Variants in HSD17B13 observed in about 807,000 individuals in gnomAD.
HSD17B13 encodes 17-beta-hydroxysteroid dehydrogenase 13.
HSD17B13 carries 26 observed loss-of-function variants against 31.1 expected under a neutral mutation model. The ratio of observed to expected loss-of-function variants is 0.84; its 90% CI spans 0.61 to 1.16. The LOEUF is 1.16. HSD17B13 is among the 50% of genes most tolerant of loss of function. The pLI, the probability that HSD17B13 is intolerant of heterozygous loss-of-function variation, is 0.00. For missense variants in HSD17B13, 374 were observed against 366.5 expected, an observed-to-expected ratio of 1.02 and a Z score of -0.17; for synonymous variants, 141 against 133.7, an observed-to-expected ratio of 1.05 and a Z score of -0.38.
chr4:87,318,355 C>G lies in HSD17B13; in HGVS notation c.292G>C (p.Glu98Gln). Residue 98 changes from glutamate to glutamine, a missense_variant, in exon 2 of 7, where the codon GAA (glutamate) becomes CAA (glutamine). Coordinates refer to ENST00000328546, the MANE Select transcript of HSD17B13 (RefSeq NM_178135.5). The stretch of plus-strand genomic sequence containing the variant: ...TGATTTAGAGAGCGATAGATCTCTT[C>G]TCTGTTGCTGCAGTCTACCACATAC... ...HAYVVDCSNR[E>Q]EIYRSLNQVK... 6.2e-7 allele frequency: 1 copy of G among 1,613,958 alleles called. No individual in the cohort carries two copies. The highest frequency in any genetic ancestry group is 8.5e-7 in the Non-Finnish European group (1 of 1,179,810).
In HSD17B13 at chr4:87,305,285, G is replaced by A. The variant is rs114287473; in HGVS notation, c.836C>T (p.Ala279Val). The A allele has an allele frequency of 1.6e-3, 2,564 of 1,603,798 alleles. 42 individuals are homozygous for A. In the African/African-American group the frequency reaches 0.03, roughly 19 times the overall value. ...AATATTCTGCATACGATTTAAAATC[G>A]CTGAGGCGCGTTCAGGAAGAAACCT... ...LQKFLPERASAILNRMQNIQF... is the reference protein window; with the variant it reads ...LQKFLPERASVILNRMQNIQF... Residue 279 changes from alanine (A) to valine (V), a missense_variant, in exon 7 of 7, where the codon GCG becomes GTG. Physicochemically the swap from Ala to Val is moderately conservative, Grantham distance 64. Transcript: ENST00000328546.
chr4:87,314,009 T>A, intron 4 of HSD17B13, 49 bp from the exon 5 acceptor site: 1 of 1,392,312 alleles, frequency 7.2e-7, no homozygotes, highest in Non-Finnish European at 9.5e-7. Flanking sequence ...GTGAAACCAA[T>A]CCTCAGCTTT....
At chr4:87,315,169 A>T (rs868269036) in intron 4 of HSD17B13, among the ~76,000 whole-genome samples, 1 of 152,204 alleles carries the variant, frequency 6.6e-6, no homozygotes, top group Non-Finnish European at 1.5e-5. Flanking sequence ...ACGACTCTGT[A>T]ACTTTAATTC....
intron 6 of HSD17B13, among the ~76,000 whole-genome samples, chr4:87,309,917 T>C (rs1198042490): frequency 6.6e-5 from 10 of 152,080 alleles, no homozygotes; most frequent in Admixed American, 6.6e-4. Flanking sequence ...CCCAGCACTT[T>C]GGGAGGCCGA....
Position 87,310,225 on chromosome 4 carries a change from GTTCTGTGCTGTACTTAC to G in HSD17B13, c.812+1_812+17del, listed in dbSNP as rs747566059. 1.0e-5 allele frequency: 16 copies of G among 1,532,624 alleles called. No homozygotes were observed. The Admixed American group carries it at 1.2e-4, about 12-fold the overall frequency. 94.9% of individuals were successfully genotyped at this position (1,532,624 alleles called of 1,614,324 possible). ...TCTATTGGTGTTTTAGTATTTGGGT[GTTCTGTGCTGTACTTAC>G]TTCTGTAGTCTCAGAAAGATATTGA... On this transcript the variant is annotated splice_donor_variant and splice_donor_5th_base_variant and intron_variant, in intron 6 of 6. Coordinates refer to ENST00000328546, the MANE Select transcript of HSD17B13 (RefSeq NM_178135.5). LOFTEE classifies it high-confidence loss of function.
intron 1 of HSD17B13, among the ~76,000 whole-genome samples, chr4:87,318,872 G>A (rs1035545704): frequency 1.3e-5 from 2 of 150,034 alleles, no homozygotes; most frequent in African/African-American, 4.9e-5. Flanking sequence ...ATGAAGATTA[G>A]TTAACCTTTT....
At chr4:87,321,146 C>T (rs1341300023) in intron 1 of HSD17B13, among the ~76,000 whole-genome samples, 3 of 152,188 alleles carry the variant, frequency 2.0e-5, no homozygotes, top group Admixed American at 6.5e-5. Flanking sequence ...CCTCCCACCT[C>T]AGCCTCCCGA....
In HSD17B13 at chr4:87,304,677, T is replaced by C. The variant is rs1042911104; in HGVS notation, c.*541A>G. 2.0e-5 allele frequency: 3 copies of C among 152,206 alleles called. No homozygotes were observed. The highest frequency in any genetic ancestry group is 6.5e-5 in the Admixed American group (1 of 15,286). The allele number at this position is 152,206 out of a possible 1,614,324, so 9.4% of individuals were successfully genotyped here. ...CAAGTAATAAAGTCCAGAATAGAGT[T>C]GCACCGTTTTGGGCTAATGAAAAAG... is the stretch of plus-strand genomic sequence containing the variant. On this transcript the variant is annotated 3_prime_UTR_variant, in exon 7 of 7. Transcript: ENST00000328546.
chr4:87,309,593 A>G (rs937475780), intron 6 of HSD17B13, among the ~76,000 whole-genome samples: 1 of 152,164 alleles, frequency 6.6e-6, no homozygotes, highest in Non-Finnish European at 1.5e-5. Flanking sequence ...TGCTCTATAG[A>G]TTCAGTGCAA....
At position 87,317,094 on chromosome 4, in the gene HSD17B13, A is replaced by T. The variant is rs904902676; in HGVS notation, c.448T>A (p.Trp150Arg). Reference sequence around the variant, plus strand: ...AAATGTTTCTGACTCACACTCACCCAAAAATGTCCTAGGATGTTGACCTCA... The same window carrying T: ...AAATGTTTCTGACTCACACTCACCCTAAAATGTCCTAGGATGTTGACCTCA... ...TFEVNILGHF[W>R]ITKALLPSMM... Residue 150 changes from tryptophan (W) to arginine (R), a missense_variant and splice_region_variant, in exon 3 of 7, where the codon TGG becomes AGG. Physicochemically the swap from Trp to Arg is moderately radical, Grantham distance 101. Transcript: ENST00000328546. 2.5e-6 allele frequency: 4 copies of T among 1,613,252 alleles called. No homozygotes were observed. Among genetic ancestry groups the T allele is most frequent in the Admixed American group, 3.3e-5 (2 of 59,988 alleles).
chr4:87,305,807 G>A (rs549172984), intron 6 of HSD17B13, among the ~76,000 whole-genome samples: 1 of 152,276 alleles, frequency 6.6e-6, no homozygotes, highest in East Asian at 1.9e-4. Context: ...GTTATTAGAA[G>A]TCAGCCCAAT....
intron 5 of HSD17B13, among the ~76,000 whole-genome samples, chr4:87,313,358 T>C (rs1734577357): frequency 6.6e-6 from 1 of 152,210 alleles, no homozygotes; most frequent in Admixed American, 6.5e-5. Context: ...ATTAGAAAAA[T>C]TTGTTAAGCA....
In HSD17B13 at chr4:87,310,207, G is replaced by T. The variant is rs767218880; in HGVS notation, c.812+36C>A. 6.6e-6 allele frequency: 10 copies of T among 1,514,446 alleles called. No individual in the cohort carries two copies. In the South Asian group the frequency reaches 1.2e-4, roughly 18 times the overall value. 93.8% of individuals were successfully genotyped at this position (1,514,446 alleles called of 1,614,324 possible). On this transcript the variant is annotated intron_variant, in intron 6 of 6. Coordinates refer to ENST00000328546, the MANE Select transcript of HSD17B13 (RefSeq NM_178135.5). The stretch of plus-strand genomic sequence containing the variant: ...AAAAGCAAAAAAAAAAGCTCTATTG[G>T]TGTTTTAGTATTTGGGTGTTCTGTG...
chr4:87,317,362 C>G, intron 2 of HSD17B13, 139 bp from the exon 3 acceptor site: 1 of 779,812 alleles, frequency 1.3e-6, no homozygotes, highest in South Asian at 1.9e-5. Flanking sequence ...CTGTTGAGCT[C>G]AAATCGTGGA....
In HSD17B13 at chr4:87,318,334, T is replaced by C; in HGVS notation, c.313A>G (p.Asn105Asp). ...SNREEIYRSLNQVKKEVGDVT... is the reference protein window; with the variant it reads ...SNREEIYRSLDQVKKEVGDVT... ...TTGTGAACCTGCAGTCTCACCTGATTTAGAGAGCGATAGATCTCTTCTCTG... is the reference window on the plus strand; with the variant it reads ...TTGTGAACCTGCAGTCTCACCTGATCTAGAGAGCGATAGATCTCTTCTCTG... The change falls in exon 2 of 7, where the codon AAT becomes GAT. Residue 105 changes from asparagine to aspartate, a missense_variant. Coordinates refer to ENST00000328546, the MANE Select transcript of HSD17B13 (RefSeq NM_178135.5). 6.2e-7 allele frequency: 1 copy of C among 1,611,276 alleles called. No homozygotes were observed. Among genetic ancestry groups the C allele is most frequent in the African/African-American group, 1.3e-5 (1 of 74,990 alleles).
At chr4:87,314,860 C>T (rs1734616046) in intron 4 of HSD17B13, among the ~76,000 whole-genome samples, 1 of 152,146 alleles carries the variant, frequency 6.6e-6, no homozygotes, top group Admixed American at 6.5e-5. Flanking sequence ...ACTGTTTTCT[C>T]TCATTGTTCT....
intron 3 of HSD17B13, among the ~76,000 whole-genome samples, chr4:87,316,890 A>G (rs1221935955): frequency 6.6e-6 from 1 of 152,188 alleles, no homozygotes; most frequent in Non-Finnish European, 1.5e-5. Flanking sequence ...AGTAGCTTAC[A>G]TTCTGGTGTG....
Position 87,319,922 on chromosome 4 carries a change from A to G in HSD17B13, c.211-1486T>C, listed in dbSNP as rs114349396. Reference sequence around the variant, plus strand: ...CAAGTTTTCACCTCAGGTGACTTTTATAGAAAATATTATAAGGTTTTAAAA... The same window carrying G: ...CAAGTTTTCACCTCAGGTGACTTTTGTAGAAAATATTATAAGGTTTTAAAA... On this transcript the variant is annotated intron_variant, in intron 1 of 6. Transcript: ENST00000328546. Among the ~76,000 whole-genome samples, 912 of 152,370 alleles carry G rather than the reference A, an allele frequency of 6.0e-3. 7 individuals are homozygous for G. The highest frequency in any genetic ancestry group is 0.017 in the Middle Eastern group (5 of 294).
chr4:87,308,981 A>AG (rs1734462594), intron 6 of HSD17B13, among the ~76,000 whole-genome samples: 1 of 151,596 alleles, frequency 6.6e-6, no homozygotes, highest in African/African-American at 2.4e-5. Context: ...TTAGCAATTT[A>AG]GCAAGACTGC....
Sources: gnomAD v4.1 joint callset for allele counts (sites outside exome capture counted in the v4.1 genomes callset) on GRCh38, gnomAD v4.1.1 for gene constraint, MANE v1.5 for transcripts, NCBI Gene and HGNC (gene_info 2026-07-23, HGNC 2026-07-21) for gene names.